The following FBXO27 variants were observed in gnomAD, a reference collection of about 807,000 sequenced individuals.
FBXO27 encodes F-box protein 27, also known as F-box only protein 27.
Under a neutral mutation model 28.3 loss-of-function variants are expected in FBXO27, and 28 were observed. That is an observed-to-expected ratio of 0.99 (90% CI 0.73 to 1.36). The LOEUF is 1.36. Ranked by LOEUF, FBXO27 falls within the 40% of genes most tolerant of loss-of-function variation. The probability of loss-of-function intolerance (pLI) is 0.00; values close to 1 mark genes in which losing one functional copy is unlikely to be tolerated. For missense variants in FBXO27, 388 were observed against 394.1 expected (o/e 0.98, Z 0.13); for synonymous variants, 175 against 167.3 (o/e 1.05, Z -0.36).
intron 2 of FBXO27, among the ~76,000 whole-genome samples, chr19:39,011,827 CTTTT>C (rs71167612): frequency 8.1e-5 from 10 of 123,764 alleles, no homozygotes; most frequent in Non-Finnish European, 6.5e-5. Flanking sequence ...ATTTTCTTTT[CTTTT>C]TTTTTTTTTT....
exon 2 of FBXO27, chr19:39,014,532 T>G (rs955762447): frequency 6.6e-6 from 1 of 151,224 alleles, no homozygotes; most frequent in East Asian, 2.0e-4. Flanking sequence ...CCAGGCAACA[T>G]AGTGAAACTG....
intron 2 of FBXO27, among the ~76,000 whole-genome samples, chr19:39,007,993 G>A (rs1409236952): frequency 1.3e-5 from 2 of 152,156 alleles, no homozygotes; most frequent in Middle Eastern, 3.2e-3. Context: ...GCTAGGCATG[G>A]TGGCTCACAT....
downstream of FBXO27, among the ~76,000 whole-genome samples, chr19:39,022,230 G>A (rs2072849261): frequency 7.1e-6 from 1 of 141,424 alleles, no homozygotes; most frequent in Admixed American, 7.7e-5. Context: ...AATATCGGGG[G>A]CTCCAGTGAT....
At chr19:39,011,637 G>T (rs1166469393) in intron 2 of FBXO27, among the ~76,000 whole-genome samples, 2 of 151,340 alleles carry the variant, frequency 1.3e-5, no homozygotes, top group African/African-American at 2.4e-5. Context: ...GATTGGCATT[G>T]CTAGTGTATT....
intron 2 of FBXO27, among the ~76,000 whole-genome samples, chr19:39,006,084 A>G (rs1975732658): frequency 2.0e-5 from 3 of 152,208 alleles, no homozygotes; most frequent in Admixed American, 1.3e-4. Context: ...ATCTAATTAT[A>G]AAGAAACATC....
At chr19:39,011,975 C>A (rs1270262299) in intron 2 of FBXO27, among the ~76,000 whole-genome samples, 1 of 149,268 alleles carries the variant, frequency 6.7e-6, no homozygotes, top group Non-Finnish European at 1.5e-5. Flanking sequence ...ACTACAGGTG[C>A]CCGCCACCAT....
At chr19:39,020,078 TA>T (rs375486329), downstream of FBXO27, among the ~76,000 whole-genome samples, 134 of 152,154 alleles carry the variant, frequency 8.8e-4, 6 homozygotes, top group East Asian at 0.015. Flanking sequence ...TAATGCAGAC[TA>T]AAGTGCCCTA....
rs1188746995 is a variant in FBXO27, at chr19:39,032,257, C to T, written c.-26-4G>A. 3.2e-5 allele frequency: 46 copies of T among 1,415,722 alleles called. No homozygotes were observed. In the East Asian group the frequency reaches 1.3e-3, roughly 41 times the overall value. The allele number at this position is 1,415,722 out of a possible 1,614,324, so 87.7% of individuals were successfully genotyped here. Reference sequence around the variant, plus strand: ...CCCCCGCCAGGCCCGGCTGTGGCTGCGGGAGAGGAAGGGTCAAGGCGTCAG... The same window carrying T: ...CCCCCGCCAGGCCCGGCTGTGGCTGTGGGAGAGGAAGGGTCAAGGCGTCAG... On this transcript the variant is annotated splice_region_variant and splice_polypyrimidine_tract_variant and intron_variant, in intron 1 of 5. Transcript: ENST00000292853. The surrounding 1 kb of genome is among the most constrained non-coding windows in gnomAD (Gnocchi z 4.7).
chr19:39,016,695 G>GGATT (rs1408121592), intron 1 of FBXO27, among the ~76,000 whole-genome samples: 9 of 151,694 alleles, frequency 5.9e-5, no homozygotes, highest in African/African-American at 2.2e-4. Context: ...TGAGGTGGGA[G>GGATT]GATTGCTTGA....
downstream of FBXO27, among the ~76,000 whole-genome samples, chr19:39,020,780 G>C (rs1256010692): frequency 7.7e-6 from 1 of 129,506 alleles, no homozygotes; most frequent in African/African-American, 2.9e-5. Context: ...AAAGGTAGGG[G>C]GTGAAGGGTT....
chr19:39,031,023 A>C lies in FBXO27; in HGVS notation c.572+6T>G, dbSNP rs1182690948. On this transcript the variant is annotated splice_donor_region_variant and intron_variant, in intron 4 of 5. Transcript: ENST00000292853. ...AGCAAGGGGCTATTTTAATCGTCAC[A>C]CTCACCAGTCAGAGACACAAATCTC... 6.2e-7 allele frequency: 1 copy of C among 1,612,868 alleles called. No homozygotes were observed. Among genetic ancestry groups the C allele is most frequent in the South Asian group, 1.1e-5 (1 of 91,052 alleles).
intron 4 of FBXO27, among the ~76,000 whole-genome samples, chr19:39,027,455 C>T (rs528017097): frequency 6.6e-6 from 1 of 152,290 alleles, no homozygotes; most frequent in South Asian, 2.1e-4. Context: ...CATCTTGTCA[C>T]ACATCAGTGC....
At position 39,031,924 on chromosome 19, in the gene FBXO27, C is replaced by T. The variant is rs1476153033; in HGVS notation, c.304G>A (p.Gly102Ser). ...ATGGGTCTGCGCGCGCAGAAGCGGC[C>T]CAGGGGGCAAGGCCTGGCGTTACGG... is the stretch of plus-strand genomic sequence containing the variant. ...PARNARPCPLGRFCARRPIGR... is the reference protein window; with the variant it reads ...PARNARPCPLSRFCARRPIGR... The change falls in exon 2 of 6, where the codon GGC becomes AGC. Residue 102 changes from glycine (G) to serine (S), a missense_variant. Gly to Ser is a moderately conservative substitution (Grantham distance 56). Coordinates refer to ENST00000292853, the MANE Select transcript of FBXO27 (RefSeq NM_178820.5). The T allele has an allele frequency of 6.6e-7, 1 of 1,511,636 alleles. No homozygotes were observed. The highest frequency in any genetic ancestry group is 2.6e-5 in the East Asian group (1 of 38,692). 93.6% of individuals were successfully genotyped at this position (1,511,636 alleles called of 1,614,324 possible).
rs773829465 is a variant in FBXO27 at position 39,031,994 on chromosome 19, G to A, written c.234C>T (p.Thr78=). The A allele has an allele frequency of 4.6e-6, 7 of 1,518,070 alleles. No individual in the cohort carries two copies. Among genetic ancestry groups the A allele is most frequent in the African/African-American group, 2.9e-5 (2 of 69,258 alleles). 94.0% of individuals were successfully genotyped at this position (1,518,070 alleles called of 1,614,324 possible). A position where few individuals can be genotyped will look rare whatever the true frequency, so the allele number is the denominator to read the frequency against. ...LLILARDHGA[T]GRALLHLARS... is the part of the protein sequence containing the mutation. Reference sequence around the variant, plus strand: ...GGGCGAGGTGCAGCAGCGCGCGGCCGGTGGCGCCGTGGTCGCGGGCCAGGA... The same window carrying A: ...GGGCGAGGTGCAGCAGCGCGCGGCCAGTGGCGCCGTGGTCGCGGGCCAGGA... The change falls in exon 2 of 6, where the codon ACC becomes ACT. Residue 78 remains threonine (T), a synonymous_variant. Coordinates refer to ENST00000292853, the MANE Select transcript of FBXO27 (RefSeq NM_178820.5).
chr19:39,025,790 G>T (rs535615704), intron 5 of FBXO27, among the ~76,000 whole-genome samples: 12 of 152,278 alleles, frequency 7.9e-5, no homozygotes, highest in African/African-American at 2.9e-4. Flanking sequence ...CGAGGCAGGT[G>T]GATTGCTTGA....
chr19:39,009,435 C>A (rs1294659154), intron 2 of FBXO27, among the ~76,000 whole-genome samples: 1 of 152,202 alleles, frequency 6.6e-6, no homozygotes, highest in Non-Finnish European at 1.5e-5. Flanking sequence ...ATCTCCATAT[C>A]ATCACCAACA....
At chr19:39,015,391 G>T (rs1415594873) in intron 1 of FBXO27, among the ~76,000 whole-genome samples, 1 of 150,374 alleles carries the variant, frequency 6.7e-6, no homozygotes, top group Non-Finnish European at 1.5e-5. Flanking sequence ...AGCACTTTGG[G>T]AGGCCAAGGC....
At position 39,032,476 on chromosome 19, in the gene FBXO27, GCACC is replaced by G. The variant is rs1488850605; in HGVS notation, c.-27+23_-27+26del. On this transcript the variant is annotated intron_variant, in intron 1 of 5. Coordinates refer to ENST00000292853, the MANE Select transcript of FBXO27 (RefSeq NM_178820.5). This position sits in a 1 kb window ranked among gnomAD's most constrained non-coding sequence, Gnocchi z 4.7. ...ATGCAATCAGCCCCCCTCGGCGGCC[GCACC>G]GACACCGCACCCCAAGTCCTACCCC... The G allele has an allele frequency of 4.2e-6, 2 of 481,858 alleles. No homozygotes were observed. Among genetic ancestry groups the G allele is most frequent in the East Asian group, 8.1e-5 (2 of 24,634 alleles). 29.8% of individuals were successfully genotyped at this position (481,858 alleles called of 1,614,324 possible).
intron 1 of FBXO27, among the ~76,000 whole-genome samples, chr19:39,018,051 G>A (rs1347921945): frequency 6.6e-6 from 1 of 151,992 alleles, no homozygotes. Flanking sequence ...GTGCGATCTC[G>A]CTCGCTGCAA....
Sources: allele counts gnomAD v4.1 joint callset (sites outside exome capture counted in the v4.1 genomes callset), GRCh38; gene constraint gnomAD v4.1.1; non-coding constraint Gnocchi (gnomAD v3.1); transcripts MANE v1.5; gene names NCBI Gene and HGNC (gene_info 2026-07-23, HGNC 2026-07-21).